Variants in UPRT observed in about 807,000 individuals in gnomAD.
The protein encoded by UPRT is RP11-311P8.3.
Under a neutral mutation model 22.6 loss-of-function variants are expected in UPRT, and 5 were observed. The ratio of observed to expected loss-of-function variants is 0.22; its 90% CI spans 0.12 to 0.47. The LOEUF (loss-of-function observed/expected upper bound fraction) is 0.47. Ranked by LOEUF, UPRT falls within the 20% of genes least tolerant of loss-of-function variation. UPRT has a pLI of 0.99. For synonymous variants in UPRT, 77 were observed against 87.7 expected (o/e 0.88, Z 0.68); for missense variants, 181 against 239.9 (o/e 0.75, Z 1.62).
chrX:75,280,658 G>A (rs185488010), intron 1 of UPRT, among the ~76,000 whole-genome samples: 15 of 112,021 alleles, frequency 1.3e-4, no homozygotes, highest in African/African-American at 4.9e-4. Context: ...GTGCCATGCT[G>A]TTTTGATGAC....
intron 4 of UPRT, among the ~76,000 whole-genome samples, chrX:75,176,763 A>G (rs971323714): frequency 2.7e-5 from 3 of 111,287 alleles, no homozygotes; most frequent in Non-Finnish European, 5.7e-5. Context: ...CAAGCTTTGC[A>G]TAGTCGTGTA....
intron 4 of UPRT, among the ~76,000 whole-genome samples, chrX:75,210,433 A>C (rs2082377283): frequency 9.0e-6 from 1 of 111,210 alleles, no homozygotes; most frequent in Admixed American, 9.6e-5. Flanking sequence ...TATCTTTTTA[A>C]GATGGGAGAG....
At chrX:75,247,772 C>A (rs1269703836) in intron 4 of UPRT, among the ~76,000 whole-genome samples, 1 of 112,247 alleles carries the variant, frequency 8.9e-6, no homozygotes, top group Non-Finnish European at 1.9e-5. Context: ...GGCAGACTAC[C>A]TCCTCAAGTG....
At chrX:75,183,630 G>C (rs904116849) in intron 4 of UPRT, among the ~76,000 whole-genome samples, 1 of 111,801 alleles carries the variant, frequency 8.9e-6, no homozygotes, top group Non-Finnish European at 1.9e-5. Flanking sequence ...CTACTTTACA[G>C]TCCCACCAAC....
At chrX:75,188,816 C>G (rs757702406) in intron 4 of UPRT, among the ~76,000 whole-genome samples, 55 of 112,013 alleles carry the variant, frequency 4.9e-4, no homozygotes, top group African/African-American at 1.7e-3. Flanking sequence ...CTTTCTTTGA[C>G]TAGGAAAGGG....
At chrX:75,294,489 C>A in intron 2 of UPRT, 1 of 803,797 alleles carries the variant, frequency 1.2e-6, no homozygotes, top group Non-Finnish European at 1.6e-6. Context: ...GGCTTCTTAG[C>A]CCCAAAGTTA....
intron 4 of UPRT, among the ~76,000 whole-genome samples, chrX:75,228,294 G>A (rs930712775): frequency 2.7e-5 from 3 of 111,706 alleles, no homozygotes; most frequent in Non-Finnish European, 5.7e-5. Context: ...AGAAAAGGAT[G>A]CATAATGTTG....
chrX:75,302,371 C>T (rs1313059421), intron 6 of UPRT, among the ~76,000 whole-genome samples: 1 of 111,240 alleles, frequency 9.0e-6, no homozygotes, highest in Non-Finnish European at 1.9e-5. Flanking sequence ...TAATAGTATA[C>T]ATGAGAATGG....
chrX:75,171,892 T>A lies in UPRT; in HGVS notation c.-447+4013T>A, dbSNP rs191490050. On this transcript the variant is annotated intron_variant, in intron 4 of 13. Transcript: ENST00000652605. ...CCCAGCAGGGCTCCCAGGCTCCAGGTTGGTACTGGGGGTTGTCTGCACAGA... is the reference window on the plus strand; with the variant it reads ...CCCAGCAGGGCTCCCAGGCTCCAGGATGGTACTGGGGGTTGTCTGCACAGA... 4.5e-5 allele frequency among the ~76,000 whole-genome samples: 5 copies of A among 111,887 alleles called. No individual in the cohort carries two copies. In the East Asian group the frequency reaches 1.4e-3, roughly 32 times the overall value.
chrX:75,274,812 G>GTGTGTGTGTGTC (rs1353560681), intron 1 of UPRT, 172 bp downstream of exon 1: 1 of 305,730 alleles, frequency 3.3e-6, no homozygotes, highest in African/African-American at 2.9e-5. Context: ...GTGTGTGTGT[G>GTGTGTGTGTGTC]TGTGTCGTGT....
intron 4 of UPRT, among the ~76,000 whole-genome samples, chrX:75,214,735 C>A (rs1469817002): frequency 1.8e-5 from 2 of 111,097 alleles, no homozygotes; most frequent in Non-Finnish European, 3.8e-5. Flanking sequence ...CATAGCAAGA[C>A]CTTGGTTCTA....
At chrX:75,282,180 C>T (rs1300946051) in intron 1 of UPRT, among the ~76,000 whole-genome samples, 4 of 109,940 alleles carry the variant, frequency 3.6e-5, no homozygotes, top group Non-Finnish European at 3.8e-5. Flanking sequence ...TGCTAATAGT[C>T]TATTAATTTA....
chrX:75,242,078 A>G (rs2082490223), intron 4 of UPRT, among the ~76,000 whole-genome samples: 1 of 111,010 alleles, frequency 9.0e-6, no homozygotes, highest in African/African-American at 3.3e-5. Context: ...AAATAATAAT[A>G]ATAAAAAGCA....
At chrX:75,192,089 G>C (rs2082317187) in intron 4 of UPRT, among the ~76,000 whole-genome samples, 1 of 111,492 alleles carries the variant, frequency 9.0e-6, no homozygotes, top group Non-Finnish European at 1.9e-5. Flanking sequence ...TTCCTATTCG[G>C]CCATCTTGGA....
At chrX:75,157,132 A>T (rs2082183787) in intron 1 of UPRT, among the ~76,000 whole-genome samples, 1 of 112,420 alleles carries the variant, frequency 8.9e-6, no homozygotes, top group South Asian at 3.6e-4. Context: ...ATATGTTTAC[A>T]GTTATCTAGG....
At chrX:75,250,991 G>T (rs931309610) in intron 4 of UPRT, among the ~76,000 whole-genome samples, 2 of 111,605 alleles carry the variant, frequency 1.8e-5, no homozygotes, top group African/African-American at 3.3e-5. Flanking sequence ...TGCAGAAAAG[G>T]CTTTTGACAA....
chrX:75,248,374 G>A (rs965596910), intron 4 of UPRT, among the ~76,000 whole-genome samples: 1 of 112,053 alleles, frequency 8.9e-6, no homozygotes, highest in African/African-American at 3.2e-5. Context: ...ATGACCTGAT[G>A]CAGCTGAAAA....
chrX:75,279,828 C>T (rs2082646481), intron 1 of UPRT, among the ~76,000 whole-genome samples: 1 of 110,358 alleles, frequency 9.1e-6, no homozygotes, highest in Non-Finnish European at 1.9e-5. Context: ...TGCTAAAGTC[C>T]ATTATATTAT....
intron 4 of UPRT, among the ~76,000 whole-genome samples, chrX:75,208,587 C>T (rs1473778328): frequency 9.0e-6 from 1 of 111,346 alleles, no homozygotes; most frequent in Non-Finnish European, 1.9e-5. Flanking sequence ...GCTTGGGGAC[C>T]ACCAGATGGA....
Sources: gnomAD v4.1 joint callset for allele counts (sites outside exome capture counted in the v4.1 genomes callset) on GRCh38, gnomAD v4.1.1 for gene constraint, MANE v1.5 for transcripts, NCBI Gene and HGNC (gene_info 2026-07-23, HGNC 2026-07-21) for gene names.